Variants in ACSF3 observed in about 807,000 individuals in gnomAD.
ACSF3 encodes the protein malonate--CoA ligase ACSF3, mitochondrial.
ACSF3 carries 78 observed loss-of-function variants against 53.2 expected under a neutral mutation model. That is an observed-to-expected ratio of 1.47 (90% confidence interval 1.22 to 1.77). The LOEUF (loss-of-function observed/expected upper bound fraction) is 1.77. Among genes scored for constraint, ACSF3 ranks in the 40% most tolerant of loss-of-function variants. The pLI, the probability that ACSF3 is intolerant of heterozygous loss-of-function variation, is 0.00. For synonymous variants in ACSF3, 414 were observed against 333.1 expected (o/e 1.24, Z -2.65); for missense variants, 937 against 771.1 (o/e 1.22, Z -2.55).
At position 89,155,425 on chromosome 16, in the gene ACSF3, C is replaced by A; in HGVS notation, c.*1218C>A. The stretch of plus-strand genomic sequence containing the variant: ...GCGGACAGTTGGACGTGGCCTGGGG[C>A]CCCTGCTCACTTGAGCATGTCGCCC... On this transcript the variant is annotated 3_prime_UTR_variant, in exon 11 of 11. Transcript: ENST00000614302. 2.2e-6 allele frequency: 1 copy of A among 454,122 alleles called. No homozygotes were observed. The highest frequency in any genetic ancestry group is 4.4e-6 in the Non-Finnish European group (1 of 226,790). The allele number at this position is 454,122 out of a possible 1,614,324, so 28.1% of individuals were successfully genotyped here.
intron 8 of ACSF3, 104 bp from the exon 9 acceptor site, chr16:89,145,163 G>A: frequency 1.2e-6 from 2 of 1,612,286 alleles, no homozygotes; most frequent in Admixed American, 1.7e-5. Flanking sequence ...TTCCTCAGAG[G>A]ACACCGTGGT....
intron 4 of ACSF3, among the ~76,000 whole-genome samples, chr16:89,106,443 C>T (rs1463443633): frequency 1.3e-5 from 2 of 152,128 alleles, no homozygotes; most frequent in South Asian, 4.1e-4. Context: ...CAGGCACCTG[C>T]CACCACAGCC....
chr16:89,147,680 A>G (rs566292552), intron 10 of ACSF3: 2 of 152,318 alleles, frequency 1.3e-5, no homozygotes, highest in South Asian at 4.1e-4. Flanking sequence ...CCTGTGATGC[A>G]GTCACCTCCC....
intron 7 of ACSF3, among the ~76,000 whole-genome samples, chr16:89,132,923 C>T (rs934470463): frequency 6.6e-6 from 1 of 152,234 alleles, no homozygotes; most frequent in East Asian, 1.9e-4. Flanking sequence ...GCACCAGGGC[C>T]CACAGAGGAC....
intron 4 of ACSF3, among the ~76,000 whole-genome samples, chr16:89,108,222 T>C (rs1248329053): frequency 7.2e-5 from 11 of 152,200 alleles, no homozygotes; most frequent in Non-Finnish European, 1.3e-4. Flanking sequence ...GGGGATGCCA[T>C]CAAACCATAT....
At chr16:89,102,541 T>C (rs904649168) in intron 3 of ACSF3, 63 bp from the exon 4 acceptor site, 1 of 1,594,844 alleles carries the variant, frequency 6.3e-7, no homozygotes, top group South Asian at 1.1e-5. Context: ...GCCCGAGGTC[T>C]GTGTGTGCTG....
chr16:89,109,156 C>T (rs1309650999), intron 4 of ACSF3, among the ~76,000 whole-genome samples: 1 of 147,968 alleles, frequency 6.8e-6, no homozygotes, highest in Non-Finnish European at 1.5e-5. Flanking sequence ...TGCTTGAACC[C>T]AGGGGGCGGC....
At chr16:89,123,176 A>G (rs1286360353) in intron 7 of ACSF3, among the ~76,000 whole-genome samples, 2 of 152,176 alleles carry the variant, frequency 1.3e-5, no homozygotes, top group African/African-American at 4.8e-5. Flanking sequence ...ACCAGGGGCC[A>G]AGACCCTTCG....
intron 8 of ACSF3, among the ~76,000 whole-genome samples, chr16:89,133,749 G>A (rs11647590): frequency 0.14 from 20,858 of 152,256 alleles, 1,515 homozygotes; most frequent in African/African-American, 0.19. Context: ...GACGCAGTGC[G>A]GTTGGTTTGC....
chr16:89,124,572 A>G (rs1204531142), intron 7 of ACSF3, among the ~76,000 whole-genome samples: 3 of 151,426 alleles, frequency 2.0e-5, no homozygotes, highest in Non-Finnish European at 4.4e-5. Flanking sequence ...TGAGATACCC[A>G]TGCGCACACT....
Position 89,093,948 on chromosome 16 carries a change from A to G in ACSF3, c.-242A>G. The G allele has an allele frequency of 3.1e-6, 1 of 324,712 alleles. No homozygotes were observed. Among genetic ancestry groups the G allele is most frequent in the Non-Finnish European group, 6.4e-6 (1 of 155,540 alleles). 20.1% of individuals were successfully genotyped at this position (324,712 alleles called of 1,614,324 possible). ...GCGCGCGCGCGGCGGAGGACGAGGA[A>G]GAGTTGTGGCGAGGCAGATCCTGCC... On this transcript the variant is annotated 5_prime_UTR_variant, in exon 1 of 11. Coordinates refer to ENST00000614302, the MANE Select transcript of ACSF3 (RefSeq NM_001243279.3).
At chr16:89,108,936 A>G (rs1976343717) in intron 4 of ACSF3, among the ~76,000 whole-genome samples, 1 of 152,174 alleles carries the variant, frequency 6.6e-6, no homozygotes, top group Non-Finnish European at 1.5e-5. Flanking sequence ...TAATGTTTTA[A>G]GAAACTGTCA....
chr16:89,133,027 C>CGGCCCTGGGTG (rs762870626), intron 7 of ACSF3, 109 bp from the exon 8 acceptor site: 32 of 1,503,382 alleles, frequency 2.1e-5, no homozygotes, highest in Admixed American at 6.7e-5. Context: ...AGAAAGCACG[C>CGGCCCTGGGTG]GGCCCTGGGT....
At position 89,155,595 on chromosome 16, in the gene ACSF3, TCAGAGGAAGGGGTCCCGCCCTCCCGC is replaced by T. The variant is rs752579797; in HGVS notation, c.*1395_*1420del. The T allele has an allele frequency of 4.0e-5, 18 of 453,888 alleles. No homozygotes were observed. The highest frequency in any genetic ancestry group is 2.8e-4 in the South Asian group (18 of 64,464). The allele number at this position is 453,888 out of a possible 1,614,324, so 28.1% of individuals were successfully genotyped here. ...CCCCATGGCCTGACCCCGGGAACAG[TCAGAGGAAGGGGTCCCGCCCTCCCGC>T]CAGAGGCCTGGACCCAAGGGAACGG... On this transcript the variant is annotated 3_prime_UTR_variant, in exon 11 of 11. Transcript: ENST00000614302.
At chr16:89,095,086 G>A (rs1974452225) in intron 1 of ACSF3, 1 of 152,262 alleles carries the variant, frequency 6.6e-6, no homozygotes, top group South Asian at 2.1e-4. Flanking sequence ...TGTTGAGGAG[G>A]GGGTTCACAT....
rs562174288 is a variant in ACSF3, at chr16:89,124,583, G to A, written c.1239+3670G>A. ...TGTGTGAGATACCCATGCGCACACT[G>A]TGTGTGTGATACCCATGCATGCACT... On this transcript the variant is annotated intron_variant, in intron 7 of 10. Coordinates refer to ENST00000614302, the MANE Select transcript of ACSF3 (RefSeq NM_001243279.3). Among the ~76,000 whole-genome samples the A allele has an allele frequency of 2.0e-5, 3 of 152,004 alleles. No homozygotes were observed. In the South Asian group the frequency reaches 6.2e-4, roughly 32 times the overall value.
At chr16:89,145,065 C>T (rs909733610) in intron 8 of ACSF3, 56 of 1,423,388 alleles carry the variant, frequency 3.9e-5, no homozygotes, top group Admixed American at 1.4e-4. Flanking sequence ...CACCTTGGGA[C>T]GCACGTCGTG....
intron 10 of ACSF3, chr16:89,149,487 C>G (rs1162749792): frequency 3.0e-4 from 46 of 151,994 alleles, no homozygotes; most frequent in Admixed American, 3.0e-3. Context: ...CACACTCGAC[C>G]CACTGGGCCA....
chr16:89,147,685 C>T (rs894586570), intron 10 of ACSF3: 2 of 152,178 alleles, frequency 1.3e-5, no homozygotes, highest in African/African-American at 4.8e-5. Flanking sequence ...GATGCAGTCA[C>T]CTCCCACCAG....
Sources: allele counts gnomAD v4.1 joint callset (sites outside exome capture counted in the v4.1 genomes callset), GRCh38; gene constraint gnomAD v4.1.1; transcripts MANE v1.5; gene names NCBI Gene and HGNC (gene_info 2026-07-23, HGNC 2026-07-21).